Variants in SLCO1C1 observed in about 807,000 individuals in gnomAD.
SLCO1C1 encodes the protein OAT-RP-5.
SLCO1C1 carries 70 observed loss-of-function variants against 76.4 expected under a neutral mutation model. The observed-to-expected ratio is 0.92, with a 90% CI of 0.76 to 1.12. The LOEUF (loss-of-function observed/expected upper bound fraction) is 1.12. SLCO1C1 is among the 50% of genes most tolerant of loss of function. The pLI is 0.00. For missense variants in SLCO1C1, 912 were observed against 823.8 expected (o/e 1.11, Z -1.31); for synonymous variants, 306 against 286.1 (o/e 1.07, Z -0.70).
chr12:20,745,050 T>G (rs1948979494), intron 13 of SLCO1C1, among the ~76,000 whole-genome samples: 1 of 152,132 alleles, frequency 6.6e-6, no homozygotes, highest in Non-Finnish European at 1.5e-5. Context: ...TGTGGAAAGG[T>G]GGAAATATTA....
chr12:20,715,215 T>A lies in SLCO1C1; in HGVS notation c.606T>A (p.Thr202=). ...ATCTTCTTCGTGGAATAGGAGAAAC[T>A]CCCATTCAGCCTTTGGGCATTGCCT... is the stretch of plus-strand genomic sequence containing the variant. ...LGNLLRGIGE[T]PIQPLGIAYL... is the part of the protein sequence containing the mutation. The change falls in exon 6 of 15, where the codon ACT becomes ACA. Residue 202 remains threonine, a synonymous_variant. Transcript: ENST00000266509. 1 of 1,614,106 alleles carries A rather than the reference T, an allele frequency of 6.2e-7. No individual in the cohort carries two copies. The highest frequency in any genetic ancestry group is 2.2e-5 in the East Asian group (1 of 44,858).
chr12:20,739,388 GTTTT>G (rs58047375), intron 11 of SLCO1C1, among the ~76,000 whole-genome samples: 2 of 148,326 alleles, frequency 1.3e-5, no homozygotes, highest in South Asian at 4.3e-4. Context: ...GATGGGAGTT[GTTTT>G]TTTTTGTTTT....
chr12:20,741,609 C>T (rs1265258839), intron 12 of SLCO1C1, among the ~76,000 whole-genome samples: 2 of 152,072 alleles, frequency 1.3e-5, no homozygotes, highest in Non-Finnish European at 2.9e-5. Context: ...ATTCAACTTC[C>T]CTACAGGTTT....
At chr12:20,716,710 C>G (rs939703494) in intron 6 of SLCO1C1, among the ~76,000 whole-genome samples, 1 of 152,104 alleles carries the variant, frequency 6.6e-6, no homozygotes. Flanking sequence ...TGAATGGACA[C>G]ACTTTTTTTC....
chr12:20,750,799 A>G lies in SLCO1C1; in HGVS notation c.1916+7A>G, dbSNP rs1459194756. On this transcript the variant is annotated splice_region_variant and intron_variant, in intron 14 of 14. Coordinates refer to ENST00000266509, the MANE Select transcript of SLCO1C1 (RefSeq NM_017435.5). ...ATGATTCAAATGTCTTCAGGTACCA[A>G]ATCAAAAGCATTCCCGCATCTCATT... 1.2e-6 allele frequency: 2 copies of G among 1,613,872 alleles called. No homozygotes were observed. Among genetic ancestry groups the G allele is most frequent in the African/African-American group, 1.3e-5 (1 of 74,916 alleles).
intron 12 of SLCO1C1, among the ~76,000 whole-genome samples, chr12:20,742,945 T>G (rs1948889049): frequency 6.6e-6 from 1 of 152,202 alleles, no homozygotes; most frequent in Admixed American, 6.5e-5. Flanking sequence ...AAAAATTTTT[T>G]GGCTATTAAT....
chr12:20,713,949 T>G (rs1305102695), intron 5 of SLCO1C1, among the ~76,000 whole-genome samples: 1 of 152,238 alleles, frequency 6.6e-6, no homozygotes, highest in Non-Finnish European at 1.5e-5. Context: ...ATACAATTGC[T>G]AGGGCTAGAA....
intron 13 of SLCO1C1, among the ~76,000 whole-genome samples, chr12:20,750,138 G>A (rs1461778393): frequency 6.6e-6 from 1 of 152,196 alleles, no homozygotes; most frequent in Non-Finnish European, 1.5e-5. Flanking sequence ...TTAATTCAGT[G>A]ATGCAACCTC....
intron 7 of SLCO1C1, among the ~76,000 whole-genome samples, chr12:20,717,724 T>C (rs1292240889): frequency 2.1e-5 from 3 of 141,596 alleles, no homozygotes; most frequent in African/African-American, 5.4e-5. Context: ...TGGAAGCATG[T>C]TACAGCACAT....
chr12:20,709,211 A>T (rs553634562), intron 4 of SLCO1C1, among the ~76,000 whole-genome samples: 1 of 152,164 alleles, frequency 6.6e-6, no homozygotes, highest in African/African-American at 2.4e-5. Flanking sequence ...AAATAATTAC[A>T]CTTTTGTCTC....
intron 10 of SLCO1C1, among the ~76,000 whole-genome samples, chr12:20,735,976 G>T (rs1592307384): frequency 6.6e-6 from 1 of 151,996 alleles, no homozygotes; most frequent in African/African-American, 2.4e-5. Context: ...AAGCTCCTCA[G>T]CTATCTTTAT....
At chr12:20,750,541 A>T in intron 13 of SLCO1C1, 134 bp from the exon 14 acceptor site, 1 of 752,010 alleles carries the variant, frequency 1.3e-6, no homozygotes, top group Non-Finnish European at 2.3e-6. Context: ...TAGGTTTGGG[A>T]GATTTCAGCA....
At position 20,715,092 on chromosome 12, in the gene SLCO1C1, T is replaced by A. The variant is rs1947300871; in HGVS notation, c.530-47T>A. ...TAGAAATGCAGAATAAATACTTAAC[T>A]TTTAAAGTGATCTATTTTCAATCCT... On this transcript the variant is annotated intron_variant, in intron 5 of 14. Coordinates refer to ENST00000266509, the MANE Select transcript of SLCO1C1 (RefSeq NM_017435.5). 3.1e-6 allele frequency: 5 copies of A among 1,609,654 alleles called. No homozygotes were observed. In the Admixed American group the frequency reaches 5.0e-5, roughly 16 times the overall value.
intron 6 of SLCO1C1, among the ~76,000 whole-genome samples, chr12:20,716,166 G>A (rs558421877): frequency 6.6e-6 from 1 of 152,170 alleles, no homozygotes; most frequent in Non-Finnish European, 1.5e-5. Flanking sequence ...AGGACTCCAG[G>A]GGGTGCTGGT....
intron 13 of SLCO1C1, among the ~76,000 whole-genome samples, chr12:20,745,737 A>T (rs1407820732): frequency 6.6e-6 from 1 of 152,006 alleles, no homozygotes; most frequent in Non-Finnish European, 1.5e-5. Context: ...AGGCAGGAGA[A>T]TTGCTTGAAC....
intron 8 of SLCO1C1, 98 bp downstream of exon 8, chr12:20,722,147 A>T: frequency 6.9e-7 from 1 of 1,442,764 alleles, no homozygotes; most frequent in East Asian, 2.4e-5. Context: ...TGTATTAAAA[A>T]GTTGAGAAAC....
intron 4 of SLCO1C1, among the ~76,000 whole-genome samples, chr12:20,707,068 C>T (rs1053498193): frequency 1.3e-5 from 2 of 151,876 alleles, no homozygotes; most frequent in African/African-American, 2.4e-5. Context: ...CCTCCCTGGC[C>T]AATCTATCAA....
intron 4 of SLCO1C1, 101 bp from the exon 5 acceptor site, chr12:20,711,285 C>T (rs1442517670): frequency 2.2e-6 from 3 of 1,336,496 alleles, no homozygotes; most frequent in African/African-American, 3.0e-5. Context: ...GAGACAGCTG[C>T]AAGCTCAACC....
chr12:20,728,667 C>G (rs1028207806), intron 9 of SLCO1C1, among the ~76,000 whole-genome samples: 2 of 151,780 alleles, frequency 1.3e-5, no homozygotes, highest in Non-Finnish European at 2.9e-5. Context: ...TAAAACATCT[C>G]CAAGTACTAT....
Sources: gnomAD v4.1 joint callset for allele counts (sites outside exome capture counted in the v4.1 genomes callset) on GRCh38, gnomAD v4.1.1 for gene constraint, MANE v1.5 for transcripts, NCBI Gene and HGNC (gene_info 2026-07-23, HGNC 2026-07-21) for gene names.